The following ENTREP2 variants were observed in gnomAD, a reference collection of about 807,000 sequenced individuals.
ENTREP2 encodes protein ENTREP2.
the ENTREP2 span, among the ~76,000 whole-genome samples, chr15:29,616,260 C>G: frequency 6.6e-6 from 1 of 152,128 alleles, no homozygotes; most frequent in Admixed American, 6.5e-5. Flanking sequence ...TTGGACAAAC[C>G]AAGGGGACGA....
At chr15:29,212,542 G>C in the ENTREP2 span, among the ~76,000 whole-genome samples, 7 of 151,726 alleles carry the variant, frequency 4.6e-5, no homozygotes, top group East Asian at 1.4e-3. Flanking sequence ...TCTTTTGCTG[G>C]TTCTTGTTTC....
chr15:29,490,517 A>C, the ENTREP2 span, among the ~76,000 whole-genome samples: 3 of 152,044 alleles, frequency 2.0e-5, no homozygotes, highest in Non-Finnish European at 4.4e-5. Context: ...TTTTACAGAG[A>C]GCTGATTGGT....
chr15:29,625,702 C>G, the ENTREP2 span, among the ~76,000 whole-genome samples: 1 of 151,906 alleles, frequency 6.6e-6, no homozygotes, highest in Admixed American at 6.6e-5. Flanking sequence ...GTTGTACATG[C>G]CTAGTTTTTA....
the ENTREP2 span, chr15:29,122,141 GC>G: frequency 6.6e-6 from 1 of 152,188 alleles, no homozygotes; most frequent in Admixed American, 6.5e-5. Context: ...GCTGCTAGTG[GC>G]CCTGAACAGG....
At chr15:29,444,476 T>A in the ENTREP2 span, among the ~76,000 whole-genome samples, 6 of 43,814 alleles carry the variant, frequency 1.4e-4, no homozygotes. Flanking sequence ...TCTTTTTTTC[T>A]TTTTTTTCTT....
the ENTREP2 span, among the ~76,000 whole-genome samples, chr15:29,674,127 A>AT: frequency 9.9e-5 from 3 of 30,370 alleles, no homozygotes; most frequent in East Asian, 1.2e-3. Flanking sequence ...CCTGCAGAGG[A>AT]TGGGGGGGGG....
At chr15:29,176,117 CTT>C in the ENTREP2 span, among the ~76,000 whole-genome samples, 2 of 152,242 alleles carry the variant, frequency 1.3e-5, no homozygotes, top group African/African-American at 4.8e-5. Flanking sequence ...CCTTTCGCCT[CTT>C]GAGTACTTGG....
the ENTREP2 span, among the ~76,000 whole-genome samples, chr15:29,670,013 A>C: frequency 1.3e-5 from 2 of 152,210 alleles, no homozygotes; most frequent in Non-Finnish European, 2.9e-5. Flanking sequence ...TCAGAACTTC[A>C]AGATGCTATT....
the ENTREP2 span, among the ~76,000 whole-genome samples, chr15:29,406,929 T>A: frequency 1.3e-5 from 2 of 152,194 alleles, no homozygotes. Context: ...ATGTCACCCA[T>A]AACTGAGCCA....
chr15:29,480,735 T>C, the ENTREP2 span, among the ~76,000 whole-genome samples: 1 of 152,076 alleles, frequency 6.6e-6, no homozygotes, highest in Non-Finnish European at 1.5e-5. Flanking sequence ...TGGTGGACAC[T>C]GGTTTAGAGG....
the ENTREP2 span, among the ~76,000 whole-genome samples, chr15:29,363,274 C>T: frequency 2.6e-5 from 4 of 152,060 alleles, no homozygotes; most frequent in Non-Finnish European, 5.9e-5. Context: ...AAATATTAAC[C>T]TTTAACTCAC....
At chr15:29,132,192 C>T in the ENTREP2 span, among the ~76,000 whole-genome samples, 3 of 152,208 alleles carry the variant, frequency 2.0e-5, no homozygotes, top group African/African-American at 2.4e-5. Context: ...CTGCCTCGCC[C>T]GGGCTGCGGG....
chr15:29,660,940 T>G, the ENTREP2 span, among the ~76,000 whole-genome samples: 2 of 152,188 alleles, frequency 1.3e-5, no homozygotes, highest in Admixed American at 1.3e-4. Flanking sequence ...ATGCACAGAT[T>G]TGGGTATCCT....
At chr15:29,582,777 G>A in the ENTREP2 span, among the ~76,000 whole-genome samples, 1 of 151,970 alleles carries the variant, frequency 6.6e-6, no homozygotes, top group African/African-American at 2.4e-5. Context: ...TCAGCCTCCT[G>A]AGTAGCTGGG....
At chr15:29,128,966 C>T in the ENTREP2 span, 918 of 694,138 alleles carry the variant, frequency 1.3e-3, 16 homozygotes, top group South Asian at 0.015. Flanking sequence ...TGGTGGGAAG[C>T]GCTGAGAGAC....
At chr15:29,630,959 G>A in the ENTREP2 span, among the ~76,000 whole-genome samples, 2 of 152,184 alleles carry the variant, frequency 1.3e-5, no homozygotes, top group African/African-American at 4.8e-5. Context: ...TGGCATTACA[G>A]GCATAAGCCT....
At chr15:29,606,420 G>A in the ENTREP2 span, among the ~76,000 whole-genome samples, 1 of 151,696 alleles carries the variant, frequency 6.6e-6, no homozygotes, top group Non-Finnish European at 1.5e-5. Flanking sequence ...ATTTTTAGTA[G>A]AGACGGGGTT....
chr15:29,656,112 T>C, the ENTREP2 span, among the ~76,000 whole-genome samples: 3 of 151,500 alleles, frequency 2.0e-5, no homozygotes, highest in African/African-American at 4.9e-5. Context: ...CTTTGAATTC[T>C]ATACCCAGTG....
the ENTREP2 span, among the ~76,000 whole-genome samples, chr15:29,223,895 G>A: frequency 6.6e-6 from 1 of 152,190 alleles, no homozygotes; most frequent in Non-Finnish European, 1.5e-5. Flanking sequence ...AGACGTCCCA[G>A]TGCACATGAA....
Sources: gnomAD v4.1 joint callset for allele counts (sites outside exome capture counted in the v4.1 genomes callset) on GRCh38, gnomAD v4.1.1 for gene constraint, MANE v1.5 for transcripts, NCBI Gene and HGNC (gene_info 2026-07-23, HGNC 2026-07-21) for gene names.